The following GPD2 variants were observed in gnomAD, a reference collection of about 807,000 sequenced individuals.
GPD2 encodes the protein glycerol-3-phosphate dehydrogenase, mitochondrial.
In GPD2, 54 loss-of-function variants were observed where a neutral mutation model predicts 82.4. The ratio of observed to expected loss-of-function variants is 0.66; its 90% CI spans 0.53 to 0.82. The LOEUF (loss-of-function observed/expected upper bound fraction) is 0.82, where lower values mean the gene tolerates loss of function less well. Among genes scored for constraint, GPD2 ranks in the 40% least tolerant of loss-of-function variants. The pLI is 0.00. For synonymous variants in GPD2, 288 were observed against 306.1 expected, an observed-to-expected ratio of 0.94 and a Z score of 0.62; for missense variants, 748 against 896.2, an observed-to-expected ratio of 0.83 and a Z score of 2.11.
chr2:156,428,545 A>G, the GPD2 span, among the ~76,000 whole-genome samples: 7 of 152,218 alleles, frequency 4.6e-5, no homozygotes, highest in Admixed American at 2.0e-4. Flanking sequence ...CCCTGACACC[A>G]GTTTCTAGCT....
chr2:156,526,119 AAAGCAG>A (rs966514653), intron 6 of GPD2, among the ~76,000 whole-genome samples: 3 of 152,206 alleles, frequency 2.0e-5, no homozygotes, highest in Admixed American at 6.5e-5. Flanking sequence ...GGTGAATTTA[AAAGCAG>A]GGACCAACTT....
At chr2:156,548,778 C>T (rs1686644785) in intron 6 of GPD2, among the ~76,000 whole-genome samples, 1 of 152,148 alleles carries the variant, frequency 6.6e-6, no homozygotes, top group African/African-American at 2.4e-5. Flanking sequence ...ACATCTAGCC[C>T]TGGATAATTA....
intron 1 of GPD2, among the ~76,000 whole-genome samples, chr2:156,463,826 C>G (rs1301858832): frequency 1.3e-5 from 2 of 152,134 alleles, no homozygotes; most frequent in South Asian, 2.1e-4. Flanking sequence ...GAGTCGAACC[C>G]TTTATTTTCT....
chr2:156,459,706 A>AAAAAAAAG (rs1553465808), intron 1 of GPD2, among the ~76,000 whole-genome samples: 1 of 148,848 alleles, frequency 6.7e-6, no homozygotes, highest in South Asian at 2.2e-4. Context: ...AAAAAAAAAA[A>AAAAAAAAG]AAAGAAAGAA....
chr2:156,522,846 C>T (rs772672771), intron 6 of GPD2, among the ~76,000 whole-genome samples: 3 of 151,856 alleles, frequency 2.0e-5, no homozygotes, highest in Non-Finnish European at 4.4e-5. Flanking sequence ...TATTTTTTAG[C>T]TAAAAAGAGG....
At chr2:156,510,216 TTC>T (rs1230323689) in intron 3 of GPD2, among the ~76,000 whole-genome samples, 1 of 151,768 alleles carries the variant, frequency 6.6e-6, no homozygotes, top group African/African-American at 2.4e-5. Context: ...TCAGAACTTA[TTC>T]TCTTTCTTTC....
At chr2:156,479,353 G>C (rs1361495003) in intron 2 of GPD2, among the ~76,000 whole-genome samples, 1 of 152,154 alleles carries the variant, frequency 6.6e-6, no homozygotes, top group Non-Finnish European at 1.5e-5. Flanking sequence ...GGTGTTTCTG[G>C]GAGCAGGTTA....
intron 9 of GPD2, among the ~76,000 whole-genome samples, chr2:156,564,100 A>T (rs184639588): frequency 6.6e-6 from 1 of 152,124 alleles, no homozygotes; most frequent in African/African-American, 2.4e-5. Context: ...GAATCGTTGA[A>T]TTTGGGTTTT....
rs1688155871 is a variant in GPD2 at position 156,584,778 on chromosome 2, A to G, written c.*1860A>G. 1 of 152,492 alleles carries G rather than the reference A, an allele frequency of 6.6e-6. No individual in the cohort carries two copies. The highest frequency in any genetic ancestry group is 1.9e-4 in the East Asian group (1 of 5,176). 9.4% of individuals were successfully genotyped at this position (152,492 alleles called of 1,614,324 possible). On this transcript the variant is annotated 3_prime_UTR_variant, in exon 17 of 17. Coordinates refer to ENST00000438166, the MANE Select transcript of GPD2 (RefSeq NM_000408.5). Reference sequence around the variant, plus strand: ...ATCCAGATAACAAGTTTCATTGTTTAGAACCCAGTGACACTTAATAGGTAG... The same window carrying G: ...ATCCAGATAACAAGTTTCATTGTTTGGAACCCAGTGACACTTAATAGGTAG...
At chr2:156,568,457 T>C (rs1014549721) in intron 9 of GPD2, among the ~76,000 whole-genome samples, 8 of 152,144 alleles carry the variant, frequency 5.3e-5, no homozygotes, top group African/African-American at 1.9e-4. Flanking sequence ...AATTTAACAA[T>C]TCATGCATCG....
upstream of GPD2, among the ~76,000 whole-genome samples, chr2:156,434,093 A>C (rs905645886): frequency 6.6e-6 from 1 of 152,126 alleles, no homozygotes; most frequent in African/African-American, 2.4e-5. Context: ...GATGTTGCCC[A>C]GTCACAAGTT....
In GPD2 at chr2:156,567,735, G is replaced by A. The variant is rs543142934; in HGVS notation, c.1166-1090G>A. The stretch of plus-strand genomic sequence containing the variant: ...GTCTACATGAAGAAGGGCAGATTCC[G>A]AAAATTCTGCCCTAGGGTCTTGCCC... On this transcript the variant is annotated intron_variant, in intron 9 of 16. Coordinates refer to ENST00000438166, the MANE Select transcript of GPD2 (RefSeq NM_000408.5). 9.2e-5 allele frequency among the ~76,000 whole-genome samples: 14 copies of A among 152,194 alleles called. No individual in the cohort carries two copies. The South Asian group carries it at 1.0e-3, about 11-fold the overall frequency.
intron 1 of GPD2, among the ~76,000 whole-genome samples, chr2:156,462,595 C>A (rs555661458): frequency 6.6e-6 from 1 of 152,062 alleles, no homozygotes; most frequent in Non-Finnish European, 1.5e-5. Context: ...AGCCACCGCA[C>A]CTAGCCTGAC....
upstream of GPD2, among the ~76,000 whole-genome samples, chr2:156,433,162 T>C (rs1203701519): frequency 6.6e-6 from 1 of 152,156 alleles, no homozygotes; most frequent in Non-Finnish European, 1.5e-5. Context: ...GAACTAACTT[T>C]GGGAAAAACT....
chr2:156,575,408 T>C (rs998567574), intron 13 of GPD2, among the ~76,000 whole-genome samples: 14 of 147,868 alleles, frequency 9.5e-5, no homozygotes, highest in South Asian at 4.3e-4. Context: ...TTTTCTTTTT[T>C]TTTTTTTTTT....
At chr2:156,518,000 T>C (rs1162490364) in intron 6 of GPD2, among the ~76,000 whole-genome samples, 1 of 152,226 alleles carries the variant, frequency 6.6e-6, no homozygotes, top group African/African-American at 2.4e-5. Flanking sequence ...CCGACGATGC[T>C]TCTAAGTATT....
chr2:156,417,009 G>A, the GPD2 span, among the ~76,000 whole-genome samples: 6 of 152,174 alleles, frequency 3.9e-5, no homozygotes, highest in South Asian at 6.2e-4. Context: ...GCTTTACTCA[G>A]GCACTTTTGG....
intron 6 of GPD2, among the ~76,000 whole-genome samples, chr2:156,517,949 T>G (rs1178589199): frequency 6.6e-6 from 1 of 152,220 alleles, no homozygotes; most frequent in Non-Finnish European, 1.5e-5. Flanking sequence ...TCTTCCTTTC[T>G]GAGAGTCAAG....
rs1359762216 is a variant in GPD2 at position 156,578,881 on chromosome 2, TG to T, written c.1768-7del. Reference sequence around the variant, plus strand: ...TGTCTTTGAACTTTGTGTGTATCTCTGTTTTAGGAACAACTTGAAACAGCCA... The same window carrying T: ...TGTCTTTGAACTTTGTGTGTATCTCTTTTTAGGAACAACTTGAAACAGCCA... On this transcript the variant is annotated splice_polypyrimidine_tract_variant and splice_region_variant and intron_variant, in intron 13 of 16. Transcript: ENST00000438166. 5 of 1,482,644 alleles carry T rather than the reference TG, an allele frequency of 3.4e-6. No homozygotes were observed. In the Admixed American group the frequency reaches 8.4e-5, roughly 25 times the overall value. 91.8% of individuals were successfully genotyped at this position (1,482,644 alleles called of 1,614,324 possible).
Sources: gnomAD v4.1 joint callset for allele counts (sites outside exome capture counted in the v4.1 genomes callset) on GRCh38, gnomAD v4.1.1 for gene constraint, MANE v1.5 for transcripts, NCBI Gene and HGNC (gene_info 2026-07-23, HGNC 2026-07-21) for gene names.